The following TCN1 variants were observed in gnomAD, a reference collection of about 807,000 sequenced individuals.
TCN1 encodes transcobalamin-1.
Under a neutral mutation model 46.3 loss-of-function variants are expected in TCN1, and 47 were observed. That is an observed-to-expected ratio of 1.01 (90% CI 0.80 to 1.29). TCN1 has a LOEUF of 1.29. Ranked by LOEUF, TCN1 falls within the 50% of genes most tolerant of loss-of-function variation. The pLI, the probability that TCN1 is intolerant of heterozygous loss-of-function variation, is 0.00. For synonymous variants in TCN1, 183 were observed against 192.5 expected, an observed-to-expected ratio of 0.95 and a Z score of 0.41; for missense variants, 532 against 511.0, an observed-to-expected ratio of 1.04 and a Z score of -0.40.
intron 5 of TCN1, among the ~76,000 whole-genome samples, chr11:59,857,720 C>T (rs1223411204): frequency 6.6e-6 from 1 of 151,848 alleles, no homozygotes; most frequent in African/African-American, 2.4e-5. Flanking sequence ...GTTTGTAAAT[C>T]AATGGCTGAA....
At chr11:59,858,069 A>C (rs1163184882) in intron 5 of TCN1, among the ~76,000 whole-genome samples, 1 of 152,230 alleles carries the variant, frequency 6.6e-6, no homozygotes, top group African/African-American at 2.4e-5. Flanking sequence ...TAGGCACAGT[A>C]GGAGATTAAC....
At position 59,854,806 on chromosome 11, in the gene TCN1, T is replaced by C. The variant is rs1345660644; in HGVS notation, c.967A>G (p.Ile323Val). Residue 323 changes from isoleucine (I) to valine (V), a missense_variant, in exon 7 of 9, where the codon ATA (isoleucine) becomes GTA (valine). Transcript: ENST00000257264. Reference protein sequence around the residue: ...GNFNISADEPITVTPPDSQSY... With the variant: ...GNFNISADEPVTVTPPDSQSY... ...TGTGAGTCAGGAGGTGTCACAGTTA[T>C]AGGCTCATCAGCGGAGATGTTGAAG... The C allele has an allele frequency of 5.0e-6, 8 of 1,614,028 alleles. No homozygotes were observed. The highest frequency in any genetic ancestry group is 1.1e-5 in the South Asian group (1 of 91,086).
chr11:59,855,851 T>C lies in TCN1; in HGVS notation c.937+18A>G. The stretch of plus-strand genomic sequence containing the variant: ...TATGGTGAAAAGCGAAACAGTGTGC[T>C]CTCTTTAATGCTTATACCTGAAGCA... On this transcript the variant is annotated intron_variant, in intron 6 of 8. Transcript: ENST00000257264. 1 of 1,613,646 alleles carries C rather than the reference T, an allele frequency of 6.2e-7. No individual in the cohort carries two copies. Among genetic ancestry groups the C allele is most frequent in the Non-Finnish European group, 8.5e-7 (1 of 1,179,610 alleles).
chr11:59,864,108 A>G (rs769375921), intron 1 of TCN1, 22 bp from the exon 2 acceptor site: 1 of 1,612,204 alleles, frequency 6.2e-7, no homozygotes. Context: ...AAGGAAGGAA[A>G]TAAGAAACAC....
chr11:59,858,798 G>A (rs1297861191), intron 5 of TCN1, among the ~76,000 whole-genome samples: 1 of 152,082 alleles, frequency 6.6e-6, no homozygotes, highest in African/African-American at 2.4e-5. Flanking sequence ...GTGAAACTCT[G>A]TCTCTACTAA....
intron 2 of TCN1, 81 bp from the exon 3 acceptor site, chr11:59,862,803 G>A (rs963926600): frequency 1.3e-6 from 2 of 1,517,216 alleles, no homozygotes; most frequent in Admixed American, 3.4e-5. Flanking sequence ...GACTTATATT[G>A]CCTATCACTT....
chr11:59,861,071 C>A (rs1853010264), intron 4 of TCN1, among the ~76,000 whole-genome samples: 1 of 152,196 alleles, frequency 6.6e-6, no homozygotes, highest in Non-Finnish European at 1.5e-5. Flanking sequence ...AAATATTGGA[C>A]TTTGTCACTG....
At position 59,866,479 on chromosome 11, in the gene TCN1, C is replaced by A. The variant is rs931306541; in HGVS notation, c.-9G>T. On this transcript the variant is annotated 5_prime_UTR_variant, in exon 1 of 9. Transcript: ENST00000257264. ...TGGTGTGACTGTCTCATCTCTCCAA[C>A]AGTGTACCAGAATGTTGATGAATTG... 20 of 1,612,900 alleles carry A rather than the reference C, an allele frequency of 1.2e-5. No individual in the cohort carries two copies. The highest frequency in any genetic ancestry group is 1.6e-5 in the Non-Finnish European group (19 of 1,179,114).
rs758734807 is a variant in TCN1 at position 59,859,149 on chromosome 11, T to C, written c.675A>G (p.Val225=). 1.2e-6 allele frequency: 2 copies of C among 1,613,982 alleles called. No homozygotes were observed. The highest frequency in any genetic ancestry group is 3.3e-5 in the Admixed American group (2 of 60,008). ...KNISIYTKSL[V]EKILSEKKEN... is the part of the protein sequence containing the mutation. Reference sequence around the variant, plus strand: ...CTTTTTTCTCAGACAGAATCTTTTCTACCAGTGACTTTGTATAAATACTGA... The same window carrying C: ...CTTTTTTCTCAGACAGAATCTTTTCCACCAGTGACTTTGTATAAATACTGA... The change falls in exon 5 of 9, where the codon GTA becomes GTG. Residue 225 remains valine, a synonymous_variant. Coordinates refer to ENST00000257264, the MANE Select transcript of TCN1 (RefSeq NM_001062.4).
At chr11:59,864,922 C>G (rs979209725) in intron 1 of TCN1, among the ~76,000 whole-genome samples, 33 of 152,092 alleles carry the variant, frequency 2.2e-4, no homozygotes, top group African/African-American at 7.2e-4. Context: ...CAGATTTTGG[C>G]CACATTTTGT....
chr11:59,854,786 G>C lies in TCN1; in HGVS notation c.987C>G (p.Asp329Glu), dbSNP rs1357897721. The C allele has an allele frequency of 6.2e-7, 1 of 1,614,064 alleles. No homozygotes were observed. The highest frequency in any genetic ancestry group is 1.7e-4 in the Middle Eastern group (1 of 6,060). The part of the protein sequence containing the change: ...ADEPITVTPP[D>E]SQSYISVNYS... ...AATTGACGGAGATATATGATTGTGA[G>C]TCAGGAGGTGTCACAGTTATAGGCT... Residue 329 changes from aspartate to glutamate, a missense_variant, in exon 7 of 9, where the codon GAC (aspartate) becomes GAG (glutamate). By Grantham distance (45) the Asp-to-Glu change is conservative. Transcript: ENST00000257264.
At chr11:59,864,280 C>T (rs1013446505) in intron 1 of TCN1, among the ~76,000 whole-genome samples, 194 bp from the exon 2 acceptor site, 4 of 152,172 alleles carry the variant, frequency 2.6e-5, no homozygotes, top group Admixed American at 1.3e-4. Flanking sequence ...ACTCCTTTAA[C>T]AACCAACATG....
At chr11:59,854,591 T>C in intron 7 of TCN1, 61 bp downstream of exon 7, 1 of 1,562,088 alleles carries the variant, frequency 6.4e-7, no homozygotes, top group Non-Finnish European at 8.8e-7. Flanking sequence ...GCAAATGCAT[T>C]CTTACTGCAT....
At position 59,861,696 on chromosome 11, in the gene TCN1, G is replaced by T; in HGVS notation, c.401-14C>A. ...CATTGTGTGCTTCTAGAAAAGAGAA[G>T]AAATACCTCCCTTAATCATGGAAGT... On this transcript the variant is annotated splice_polypyrimidine_tract_variant and intron_variant, in intron 3 of 8. Coordinates refer to ENST00000257264, the MANE Select transcript of TCN1 (RefSeq NM_001062.4). 6.2e-6 allele frequency: 10 copies of T among 1,613,664 alleles called. No individual in the cohort carries two copies. Among genetic ancestry groups the T allele is most frequent in the Non-Finnish European group, 8.5e-6 (10 of 1,179,630 alleles).
At position 59,864,150 on chromosome 11, in the gene TCN1, G is replaced by A. The variant is rs530120786; in HGVS notation, c.80-64C>T. On this transcript the variant is annotated intron_variant, in intron 1 of 8. Coordinates refer to ENST00000257264, the MANE Select transcript of TCN1 (RefSeq NM_001062.4). ...AGAAAATAGTAAGACTTGCAGCAGG[G>A]GTTATATAAAAATATTTAGTAACAG... The A allele has an allele frequency of 6.4e-6, 10 of 1,554,546 alleles. No individual in the cohort carries two copies. The South Asian group carries it at 1.1e-4, about 17-fold the overall frequency.
chr11:59,865,508 A>AGG (rs897451439), intron 1 of TCN1, among the ~76,000 whole-genome samples: 27 of 152,164 alleles, frequency 1.8e-4, no homozygotes, highest in Admixed American at 1.5e-3. Flanking sequence ...TATGTATACA[A>AGG]GCCTGTCTTC....
At chr11:59,863,334 G>A (rs892224160) in intron 2 of TCN1, among the ~76,000 whole-genome samples, 8 of 151,948 alleles carry the variant, frequency 5.3e-5, no homozygotes, top group Non-Finnish European at 1.0e-4. Flanking sequence ...ACAAGATCTT[G>A]GGTTTTTTTT....
At chr11:59,857,177 TA>T (rs1465592389) in intron 5 of TCN1, among the ~76,000 whole-genome samples, 1 of 152,192 alleles carries the variant, frequency 6.6e-6, no homozygotes, top group Non-Finnish European at 1.5e-5. Context: ...TATTAATATT[TA>T]AAAATACCCA....
At chr11:59,862,761 T>C in intron 2 of TCN1, 39 bp from the exon 3 acceptor site, 2 of 1,610,484 alleles carry the variant, frequency 1.2e-6, no homozygotes, top group Non-Finnish European at 1.7e-6. Context: ...AGGTACAGGC[T>C]TGTGATTTTT....
Sources: allele counts gnomAD v4.1 joint callset (sites outside exome capture counted in the v4.1 genomes callset), GRCh38; gene constraint gnomAD v4.1.1; transcripts MANE v1.5; gene names NCBI Gene and HGNC (gene_info 2026-07-23, HGNC 2026-07-21).